Variants in ANKRD11 observed in about 807,000 individuals in gnomAD.
ANKRD11 encodes the protein ankyrin repeat domain 11.
A neutral mutation model predicts 195.7 loss-of-function variants in ANKRD11; 17 were observed. The ratio of observed to expected loss-of-function variants is 0.09; its 90% CI spans 0.06 to 0.13. The LOEUF is 0.13. ANKRD11 is among the 10% of genes least tolerant of loss of function. The pLI, the probability that ANKRD11 is intolerant of heterozygous loss-of-function variation, is 1.00. For synonymous variants in ANKRD11, 1,953 were observed against 1,528.1 expected (o/e 1.28, Z -6.49); for missense variants, 3,735 against 3,566.1 (o/e 1.05, Z -1.21).
intron 1 of ANKRD11, among the ~76,000 whole-genome samples, chr16:89,426,529 T>TCACACACACACACACACACACA (rs55664494): frequency 2.1e-5 from 3 of 142,258 alleles, no homozygotes; most frequent in East Asian, 2.1e-4. Flanking sequence ...CACTTAAACA[T>TCACACACACACACACACACACA]CACACACACA....
chr16:89,382,419 A>G (rs1289299290), intron 2 of ANKRD11, among the ~76,000 whole-genome samples: 2 of 152,004 alleles, frequency 1.3e-5, no homozygotes, highest in Admixed American at 1.3e-4. Flanking sequence ...TCCGCCTCCC[A>G]GGTTCAAGCA....
chr16:89,278,311 T>G (rs1243060967), intron 9 of ANKRD11: 7 of 345,692 alleles, frequency 2.0e-5, no homozygotes, highest in Non-Finnish European at 4.0e-5. Flanking sequence ...CCCCAGTGGG[T>G]AGGAGGAGGT....
chr16:89,312,485 G>T (rs530375051), intron 3 of ANKRD11, among the ~76,000 whole-genome samples: 1 of 152,348 alleles, frequency 6.6e-6, no homozygotes, highest in Admixed American at 6.5e-5. Flanking sequence ...GGAGCTGGCG[G>T]GCCACAGGCC....
At chr16:89,426,655 C>T (rs2042730241) in intron 1 of ANKRD11, among the ~76,000 whole-genome samples, 1 of 152,080 alleles carries the variant, frequency 6.6e-6, no homozygotes, top group South Asian at 2.1e-4. Context: ...TTATTTCTAG[C>T]TCTTAGTAAA....
At chr16:89,296,268 T>C (rs2151825224) in intron 4 of ANKRD11, among the ~76,000 whole-genome samples, 1 of 152,280 alleles carries the variant, frequency 6.6e-6, no homozygotes, top group African/African-American at 2.4e-5. Flanking sequence ...TTGAGGCTTG[T>C]GTTTTTATGA....
At chr16:89,273,253 T>C (rs1424743674) in intron 11 of ANKRD11, among the ~76,000 whole-genome samples, 2 of 152,024 alleles carry the variant, frequency 1.3e-5, no homozygotes, top group Admixed American at 6.6e-5. Flanking sequence ...CCTTGGAAGG[T>C]GTTAGAGGCA....
At chr16:89,457,658 CAGA>C (rs2056497068) in intron 1 of ANKRD11, among the ~76,000 whole-genome samples, 1 of 150,848 alleles carries the variant, frequency 6.6e-6, no homozygotes, top group African/African-American at 2.4e-5. Flanking sequence ...TCCACAATAA[CAGA>C]AAGTGGGCTG....
chr16:89,366,902 G>A (rs921795824), intron 2 of ANKRD11, among the ~76,000 whole-genome samples: 5 of 152,202 alleles, frequency 3.3e-5, no homozygotes, highest in Non-Finnish European at 7.3e-5. Context: ...TGCTGTGAAC[G>A]ACCCTTTAAG....
intron 11 of ANKRD11, among the ~76,000 whole-genome samples, chr16:89,273,814 G>A (rs4785651): frequency 0.097 from 14,701 of 152,250 alleles, 964 homozygotes; most frequent in East Asian, 0.36. Context: ...AAACATCTGG[G>A]AGCCCCTGGC....
chr16:89,322,387 A>G (rs138948260), intron 2 of ANKRD11, among the ~76,000 whole-genome samples: 12 of 152,370 alleles, frequency 7.9e-5, no homozygotes, highest in Non-Finnish European at 1.8e-4. Context: ...ATGTAAGTTA[A>G]TAACTCCACC....
chr16:89,451,860 C>T (rs1278719208), intron 1 of ANKRD11, among the ~76,000 whole-genome samples: 2 of 152,136 alleles, frequency 1.3e-5, no homozygotes, highest in Non-Finnish European at 2.9e-5. Flanking sequence ...TATAATTGTA[C>T]TTTGGTAATC....
chr16:89,412,070 C>T (rs566175228), intron 2 of ANKRD11, among the ~76,000 whole-genome samples: 2 of 87,976 alleles, frequency 2.3e-5, no homozygotes, highest in African/African-American at 9.8e-5. Context: ...GTCTCCTGGC[C>T]GTGCCCCATC....
chr16:89,350,117 C>G (rs2152027330), intron 2 of ANKRD11, among the ~76,000 whole-genome samples: 1 of 152,292 alleles, frequency 6.6e-6, no homozygotes, highest in Middle Eastern at 3.4e-3. Context: ...TCATTTGTCA[C>G]TAGGGCACTG....
Position 89,330,927 on chromosome 16 carries a change from T to A in ANKRD11, c.-59-13849A>T, listed in dbSNP as rs549170149. ...TGCCATATGCCCTGAGGACAAAAAT[T>A]AAAATTTTGAAAAATATTATAAGCA... On this transcript the variant is annotated intron_variant, in intron 2 of 12. Transcript: ENST00000301030. 7.8e-4 allele frequency among the ~76,000 whole-genome samples: 119 copies of A among 152,310 alleles called. 1 individual carries two copies. The highest frequency in any genetic ancestry group is 2.8e-3 in the African/African-American group (117 of 41,570).
intron 2 of ANKRD11, among the ~76,000 whole-genome samples, chr16:89,406,130 C>A (rs977494873): frequency 3.5e-5 from 5 of 144,312 alleles, no homozygotes; most frequent in Non-Finnish European, 7.5e-5. Flanking sequence ...AAAAAAAAAA[C>A]CTTCAGCCAG....
At chr16:89,461,419 G>T (rs969686434) in intron 1 of ANKRD11, among the ~76,000 whole-genome samples, 1 of 152,226 alleles carries the variant, frequency 6.6e-6, no homozygotes, top group East Asian at 1.9e-4. Context: ...GGTACAAATG[G>T]TCAATTTTAT....
intron 1 of ANKRD11, among the ~76,000 whole-genome samples, chr16:89,471,131 T>C (rs532633388): frequency 6.6e-6 from 1 of 152,104 alleles, no homozygotes; most frequent in South Asian, 2.1e-4. Context: ...GGCAGGAGGA[T>C]CATTTGAGCT....
At chr16:89,397,604 A>G (rs1203804587) in intron 2 of ANKRD11, among the ~76,000 whole-genome samples, 1 of 152,218 alleles carries the variant, frequency 6.6e-6, no homozygotes, top group African/African-American at 2.4e-5. Context: ...CAAGGGGCCC[A>G]CCTGCCTCAG....
chr16:89,367,435 G>A (rs557843172), intron 2 of ANKRD11, among the ~76,000 whole-genome samples: 16 of 152,266 alleles, frequency 1.1e-4, no homozygotes, highest in East Asian at 3.9e-4. Flanking sequence ...GGGGAGAGAC[G>A]CTCTCAAACG....
Sources: allele counts gnomAD v4.1 joint callset (sites outside exome capture counted in the v4.1 genomes callset), GRCh38; gene constraint gnomAD v4.1.1; transcripts MANE v1.5; gene names NCBI Gene and HGNC (gene_info 2026-07-23, HGNC 2026-07-21).